The following TENM3 variants were observed in gnomAD, a reference collection of about 807,000 sequenced individuals.
TENM3 encodes the protein teneurin-3.
In TENM3, 63 loss-of-function variants were observed where a neutral mutation model predicts 255.1. The observed-to-expected ratio is 0.25, with a 90% CI of 0.20 to 0.30. The LOEUF (loss-of-function observed/expected upper bound fraction) is 0.30. Among genes scored for constraint, TENM3 ranks in the 10% least tolerant of loss-of-function variants. The pLI, the probability that TENM3 is intolerant of heterozygous loss-of-function variation, is 1.00. For missense variants in TENM3, 2,929 were observed against 3,461.1 expected (o/e 0.85, Z 3.86); for synonymous variants, 1,306 against 1,322.3 (o/e 0.99, Z 0.27).
At chr4:182,278,542 G>T (rs902909417) in intron 1 of TENM3, among the ~76,000 whole-genome samples, 10 of 151,918 alleles carry the variant, frequency 6.6e-5, no homozygotes, top group Admixed American at 5.9e-4. Flanking sequence ...AGCTTTGGTT[G>T]GTATGATGAT....
chr4:182,672,510 T>A (rs1755306569), intron 6 of TENM3, among the ~76,000 whole-genome samples: 1 of 152,216 alleles, frequency 6.6e-6, no homozygotes, highest in Non-Finnish European at 1.5e-5. Context: ...CATCCTAGTA[T>A]ATCATTTAGA....
rs756785660 is a variant in TENM3, at chr4:182,792,930, T to C, written c.6258T>C (p.Arg2086=). 3 of 1,613,876 alleles carry C rather than the reference T, an allele frequency of 1.9e-6. No homozygotes were observed. In the South Asian group the frequency reaches 3.3e-5, roughly 18 times the overall value. ...TYTKHFDAHG[R]IKEIQYEIFR... The stretch of plus-strand genomic sequence containing the variant: ...CGAAGCACTTTGATGCTCATGGCCG[T>C]ATCAAGGAGATTCAATATGAGATAT... Residue 2086 remains arginine (R), a synonymous_variant, in exon 26 of 28, where the codon CGT becomes CGC. Coordinates refer to ENST00000511685, the MANE Select transcript of TENM3 (RefSeq NM_001080477.4). The surrounding 1 kb of genome is among the most constrained non-coding windows in gnomAD (Gnocchi z 6.3).
At chr4:182,349,834 A>G (rs1284437075) in intron 3 of TENM3, 8 of 374,578 alleles carry the variant, frequency 2.1e-5, no homozygotes, top group Admixed American at 6.9e-5. Context: ...ATTCATTTTT[A>G]TACTAGCTTG....
intron 1 of TENM3, among the ~76,000 whole-genome samples, chr4:182,199,720 CTTTT>C (rs367906246): frequency 9.5e-6 from 1 of 104,844 alleles, no homozygotes; most frequent in South Asian, 3.8e-4. Context: ...AACATCATTG[CTTTT>C]TTTTTTTTTT....
intron 1 of TENM3, among the ~76,000 whole-genome samples, chr4:182,279,184 C>T (rs1760206769): frequency 6.6e-6 from 1 of 152,170 alleles, no homozygotes; most frequent in African/African-American, 2.4e-5. Flanking sequence ...TTTGCTTTAG[C>T]TCTTTCATCA....
At chr4:182,536,900 T>G (rs914237795) in intron 3 of TENM3, among the ~76,000 whole-genome samples, 3 of 152,244 alleles carry the variant, frequency 2.0e-5, no homozygotes, top group Non-Finnish European at 4.4e-5. Flanking sequence ...AATAGTTTTT[T>G]ACTCTATGTC....
intron 3 of TENM3, among the ~76,000 whole-genome samples, chr4:182,354,427 T>C (rs1379248564): frequency 1.3e-5 from 2 of 152,240 alleles, no homozygotes; most frequent in East Asian, 1.9e-4. Context: ...GGTTTATTGA[T>C]GTAATTATCA....
At chr4:182,084,203 A>T in the TENM3 span, among the ~76,000 whole-genome samples, 1 of 152,170 alleles carries the variant, frequency 6.6e-6, no homozygotes, top group Non-Finnish European at 1.5e-5. Context: ...GGGGGGAAAA[A>T]ATAAGCTGCC....
chr4:182,459,618 A>C (rs1054700021), intron 3 of TENM3, among the ~76,000 whole-genome samples: 9 of 152,194 alleles, frequency 5.9e-5, no homozygotes, highest in Non-Finnish European at 1.5e-5. Context: ...TACATTTCAT[A>C]CAAAGGCAAA....
chr4:182,024,104 T>C, the TENM3 span, among the ~76,000 whole-genome samples: 20,084 of 151,138 alleles, frequency 0.13, 1,493 homozygotes, highest in Middle Eastern at 0.17. Context: ...AAAATATAGA[T>C]TTGGGGGAAA....
chr4:181,886,138 C>G, the TENM3 span, among the ~76,000 whole-genome samples: 1 of 151,484 alleles, frequency 6.6e-6, no homozygotes, highest in African/African-American at 2.4e-5. Context: ...CTGCAACCTC[C>G]GCCTTCCGGG....
At chr4:182,758,451 A>G (rs1373263950) in intron 22 of TENM3, among the ~76,000 whole-genome samples, 1 of 151,996 alleles carries the variant, frequency 6.6e-6, no homozygotes, top group Non-Finnish European at 1.5e-5. Context: ...GGCAAACTCA[A>G]CCCCTGTCGC....
the TENM3 span, among the ~76,000 whole-genome samples, chr4:181,907,346 G>C: frequency 4.3e-4 from 65 of 152,160 alleles, no homozygotes; most frequent in Non-Finnish European, 7.9e-4. Flanking sequence ...TCACTGCCAT[G>C]AAGTAAGACT....
chr4:182,651,747 AC>A (rs952033132), intron 5 of TENM3, among the ~76,000 whole-genome samples: 37 of 152,292 alleles, frequency 2.4e-4, no homozygotes, highest in African/African-American at 8.9e-4. Context: ...GCCAAGGACA[AC>A]TTTAGCAGGG....
chr4:182,170,009 A>G (rs1751993262), intron 1 of TENM3, among the ~76,000 whole-genome samples: 1 of 151,148 alleles, frequency 6.6e-6, no homozygotes, highest in Non-Finnish European at 1.5e-5. Flanking sequence ...TCATTGAAGA[A>G]TGAATGGAGA....
chr4:181,514,294 T>A, the TENM3 span, among the ~76,000 whole-genome samples: 2 of 152,200 alleles, frequency 1.3e-5, no homozygotes, highest in African/African-American at 4.8e-5. Context: ...AAAAAAAATT[T>A]AAAGCTTTGG....
chr4:182,378,001 C>T (rs1767292998), intron 3 of TENM3, among the ~76,000 whole-genome samples: 1 of 152,048 alleles, frequency 6.6e-6, no homozygotes, highest in South Asian at 2.1e-4. Flanking sequence ...TGGATGTCCA[C>T]GATGCTCACT....
At chr4:182,765,201 G>C (rs1233084666) in intron 22 of TENM3, among the ~76,000 whole-genome samples, 1 of 152,146 alleles carries the variant, frequency 6.6e-6, no homozygotes, top group Non-Finnish European at 1.5e-5. Flanking sequence ...GCTATTGAGA[G>C]AGCCGAAGCT....
chr4:181,470,134 A>T, the TENM3 span, among the ~76,000 whole-genome samples: 1 of 151,010 alleles, frequency 6.6e-6, no homozygotes, highest in African/African-American at 2.4e-5. Context: ...AACATTATTC[A>T]AAAGGAACTA....
Sources: gnomAD v4.1 joint callset for allele counts (sites outside exome capture counted in the v4.1 genomes callset) on GRCh38, gnomAD v4.1.1 for gene constraint, Gnocchi (gnomAD v3.1) non-coding constraint, MANE v1.5 for transcripts, NCBI Gene and HGNC (gene_info 2026-07-23, HGNC 2026-07-21) for gene names.